NCOR2: variants seen among roughly 807,000 people sequenced by gnomAD.
The protein encoded by NCOR2 is nuclear receptor corepressor 2.
In NCOR2, 81 loss-of-function variants were observed where a neutral mutation model predicts 262.9. The observed-to-expected ratio is 0.31, with a 90% CI of 0.26 to 0.37. The LOEUF is 0.37. Ranked by LOEUF, NCOR2 falls within the 10% of genes least tolerant of loss-of-function variation. The pLI, the probability that NCOR2 is intolerant of heterozygous loss-of-function variation, is 1.00. For synonymous variants in NCOR2, 1,659 were observed against 1,559.3 expected (o/e 1.06, Z -1.51); for missense variants, 3,385 against 3,621.4 (o/e 0.93, Z 1.68).
chr12:124,433,946 C>T (rs1490970905), intron 8 of NCOR2, among the ~76,000 whole-genome samples: 1 of 151,434 alleles, frequency 6.6e-6, no homozygotes, highest in Non-Finnish European at 1.5e-5. Context: ...CCTCCCGCCC[C>T]CCACCCCCGC....
upstream of NCOR2, among the ~76,000 whole-genome samples, chr12:124,495,590 G>C (rs1240207089): frequency 6.6e-6 from 1 of 152,072 alleles, no homozygotes; most frequent in Non-Finnish European, 1.5e-5. The surrounding 1 kb of genome is among the most constrained non-coding windows in gnomAD (Gnocchi z 4.4). Context: ...GCCACGCAAG[G>C]GACCAGAGGC....
At chr12:124,475,121 C>T (rs1156354961) in intron 3 of NCOR2, among the ~76,000 whole-genome samples, 19 of 152,142 alleles carry the variant, frequency 1.2e-4, no homozygotes, top group Admixed American at 1.2e-3. Flanking sequence ...CCTCTGTTAC[C>T]ATGTGAGATG....
chr12:124,383,779 C>T (rs1375886453), intron 17 of NCOR2, among the ~76,000 whole-genome samples: 1 of 152,250 alleles, frequency 6.6e-6, no homozygotes, highest in Non-Finnish European at 1.5e-5. Flanking sequence ...AGGCTGAATT[C>T]ACTGCCCAAG....
rs1028373441 is a variant in NCOR2, at chr12:124,566,941, G to A, written c.-165+367C>T. ...AATAAGGCGCAGTGTCGCCCCGCCAGGTCCGGGGCTACACCGGGTACAAGG... is the reference window on the plus strand; with the variant it reads ...AATAAGGCGCAGTGTCGCCCCGCCAAGTCCGGGGCTACACCGGGTACAAGG... On this transcript the variant is annotated intron_variant, in intron 1 of 32. Coordinates refer to the NCOR2 transcript ENST00000458234. The surrounding 1 kb of genome is among the most constrained non-coding windows in gnomAD (Gnocchi z 4.3). 6.6e-6 allele frequency among the ~76,000 whole-genome samples: 1 copy of A among 152,180 alleles called. No homozygotes were observed. The highest frequency in any genetic ancestry group is 6.5e-5 in the Admixed American group (1 of 15,288).
chr12:124,476,526 A>T (rs1306239047), intron 3 of NCOR2, among the ~76,000 whole-genome samples: 1 of 152,176 alleles, frequency 6.6e-6, no homozygotes, highest in East Asian at 1.9e-4. Flanking sequence ...TGCTCGTCCA[A>T]CCTGGGAATA....
At chr12:124,453,849 C>A (rs2045690181) in intron 6 of NCOR2, among the ~76,000 whole-genome samples, 1 of 152,238 alleles carries the variant, frequency 6.6e-6, no homozygotes, top group Admixed American at 6.5e-5. Flanking sequence ...TCTCAGTGCC[C>A]CCGACCCCTG....
intron 1 of NCOR2, among the ~76,000 whole-genome samples, chr12:124,556,903 C>A (rs1435594122): frequency 1.3e-5 from 2 of 151,466 alleles, no homozygotes; most frequent in Non-Finnish European, 2.9e-5. Flanking sequence ...ACGAGGCCTG[C>A]GGATACCAGG....
chr12:124,339,900 C>CCCCCCCCTCCCCT, intron 37 of NCOR2, 106 bp downstream of exon 39: 1 of 659,510 alleles, frequency 1.5e-6, no homozygotes. Flanking sequence ...TCTGCCCACC[C>CCCCCCCCTCCCCT]ACCCACCTCC....
In NCOR2 at chr12:124,489,367, T is replaced by C. The variant is rs138664080; in HGVS notation, c.106-2799A>G. 2.6e-3 allele frequency among the ~76,000 whole-genome samples: 403 copies of C among 152,298 alleles called. 2 individuals carry two copies. The highest frequency in any genetic ancestry group is 8.8e-3 in the African/African-American group (367 of 41,564). On this transcript the variant is annotated intron_variant, in intron 1 of 46. Transcript: ENST00000405201. ...CTACAGCAACCCTGTGAGGTGGGTATTACAAGAAGCCCCACACAAAGACGA... is the reference window on the plus strand; with the variant it reads ...CTACAGCAACCCTGTGAGGTGGGTACTACAAGAAGCCCCACACAAAGACGA...
Position 124,402,565 on chromosome 12 carries a change from T to C in NCOR2, c.1483-4A>G, listed in dbSNP as rs1565911441. On this transcript the variant is annotated splice_polypyrimidine_tract_variant and splice_region_variant and intron_variant, in intron 13 of 46. Coordinates refer to ENST00000405201, the Ensembl canonical transcript of NCOR2. Reference sequence around the variant, plus strand: ...GCTGCTGCTGTTGTTGCTGCTGCTGTCAGACCCCGGGGGAGGGCAGAGGGG... The same window carrying C: ...GCTGCTGCTGTTGTTGCTGCTGCTGCCAGACCCCGGGGGAGGGCAGAGGGG... 1.9e-6 allele frequency: 3 copies of C among 1,556,338 alleles called. No homozygotes were observed. Among genetic ancestry groups the C allele is most frequent in the South Asian group, 2.3e-5 (2 of 85,170 alleles).
upstream of NCOR2, among the ~76,000 whole-genome samples, chr12:124,496,616 C>G (rs1269654520): frequency 6.6e-6 from 1 of 152,128 alleles, no homozygotes; most frequent in Admixed American, 6.5e-5. The surrounding 1 kb of genome is among the most constrained non-coding windows in gnomAD (Gnocchi z 4.4). Context: ...CTTCTCCAAG[C>G]AGGAAAGCCC....
intron 1 of NCOR2, among the ~76,000 whole-genome samples, chr12:124,515,471 C>G (rs899397400): frequency 3.3e-5 from 5 of 151,986 alleles, no homozygotes; most frequent in Non-Finnish European, 5.9e-5. Flanking sequence ...CCTGAGACAA[C>G]GACAATTCAT....
chr12:124,354,969 G>A, intron 24 of NCOR2, 30 bp from the exon 27 acceptor site: 2 of 1,591,028 alleles, frequency 1.3e-6, no homozygotes, highest in Non-Finnish European at 1.7e-6. Context: ...GGGTCACAGG[G>A]GCACCCTGGT....
chr12:124,486,524 G>A, exon 2 of NCOR2: 1 of 1,602,188 alleles, frequency 6.2e-7, no homozygotes, highest in Non-Finnish European at 8.5e-7. Flanking sequence ...ACAGGTGGGA[G>A]GCATAGTCGC....
At chr12:124,555,148 A>G (rs2051841697) in intron 1 of NCOR2, among the ~76,000 whole-genome samples, 1 of 152,210 alleles carries the variant, frequency 6.6e-6, no homozygotes, top group African/African-American at 2.4e-5. Flanking sequence ...CAGGGAAACT[A>G]ATAGTTCTGG....
rs749208308 is a variant in NCOR2, at chr12:124,325,514, G to A, written c.7433C>T (p.Pro2478Leu). Residue 2478 changes from proline to leucine, a missense_variant, in exon 47 of 47, where the codon CCA becomes CTA. Transcript: ENST00000405201. ...CCCGCTGCCCGCGGGGAGGCCCGGT[G>A]GGGGTGGGGAAGCCATGACACCCGC... is the stretch of plus-strand genomic sequence containing the variant. 9.6e-6 allele frequency: 13 copies of A among 1,358,714 alleles called. No individual in the cohort carries two copies. The highest frequency in any genetic ancestry group is 1.2e-5 in the Non-Finnish European group (13 of 1,051,684). 84.2% of individuals were successfully genotyped at this position (1,358,714 alleles called of 1,614,324 possible).
intron 1 of NCOR2, among the ~76,000 whole-genome samples, chr12:124,510,429 A>G (rs2137016032): frequency 6.6e-6 from 1 of 152,298 alleles, no homozygotes; most frequent in South Asian, 2.1e-4. Flanking sequence ...TCCCCAACAC[A>G]ACACTTGGTG....
chr12:124,398,261 CAGGG>C, intron 15 of NCOR2, 80 bp from the exon 18 acceptor site: 2 of 1,493,346 alleles, frequency 1.3e-6, no homozygotes, highest in Non-Finnish European at 1.9e-6. Context: ...TCCTTTGAGC[CAGGG>C]AGGGAGTAGA....
chr12:124,433,444 G>A (rs891473982), intron 8 of NCOR2, among the ~76,000 whole-genome samples: 20 of 152,376 alleles, frequency 1.3e-4, no homozygotes, highest in African/African-American at 4.6e-4. Flanking sequence ...ACTGGCCAGC[G>A]GGGCCTCAGC....
Sources: allele counts gnomAD v4.1 joint callset (sites outside exome capture counted in the v4.1 genomes callset), GRCh38; gene constraint gnomAD v4.1.1; non-coding constraint Gnocchi (gnomAD v3.1); transcripts MANE v1.5; gene names NCBI Gene and HGNC (gene_info 2026-07-23, HGNC 2026-07-21).